Variants in LYPLAL1 observed in about 807,000 individuals in gnomAD.
LYPLAL1 encodes lysophospholipase-like protein 1.
In LYPLAL1, 23 loss-of-function variants were observed where a neutral mutation model predicts 19.7. That is an observed-to-expected ratio of 1.17 (90% CI 0.84 to 1.65). The LOEUF is 1.65. Among genes scored for constraint, LYPLAL1 ranks in the 40% most tolerant of loss-of-function variants. The probability of loss-of-function intolerance (pLI) is 0.00; values close to 1 mark genes in which losing one functional copy is unlikely to be tolerated. For missense variants in LYPLAL1, 355 were observed against 279.4 expected (o/e 1.27, Z -1.93); for synonymous variants, 119 against 96.3 (o/e 1.24, Z -1.38).
At chr1:219,372,676 G>A in the LYPLAL1 span, among the ~76,000 whole-genome samples, 1 of 152,138 alleles carries the variant, frequency 6.6e-6, no homozygotes, top group Admixed American at 6.5e-5. Context: ...AAGGCAGGTG[G>A]ATTGTTTGAG....
At chr1:219,236,333 A>T in the LYPLAL1 span, among the ~76,000 whole-genome samples, 4 of 152,246 alleles carry the variant, frequency 2.6e-5, no homozygotes, top group East Asian at 7.7e-4. Flanking sequence ...GTGTCATGAC[A>T]TAAGCAGTGT....
chr1:219,276,756 A>C, the LYPLAL1 span, among the ~76,000 whole-genome samples: 1 of 152,224 alleles, frequency 6.6e-6, no homozygotes, highest in Admixed American at 6.5e-5. Flanking sequence ...TAGACAGATC[A>C]GTTTGCAAAA....
the LYPLAL1 span, among the ~76,000 whole-genome samples, chr1:219,339,361 C>T: frequency 6.1e-4 from 92 of 151,958 alleles, no homozygotes; most frequent in Admixed American, 4.9e-3. Flanking sequence ...CTTGTCTATC[C>T]CACGGTATTA....
At chr1:219,421,539 G>A in the LYPLAL1 span, among the ~76,000 whole-genome samples, 4 of 152,190 alleles carry the variant, frequency 2.6e-5, no homozygotes, top group Non-Finnish European at 1.5e-5. Flanking sequence ...CAATGCTTAT[G>A]CTGTGTTCAT....
the LYPLAL1 span, among the ~76,000 whole-genome samples, chr1:219,439,630 C>A: frequency 8.5e-5 from 13 of 152,168 alleles, no homozygotes; most frequent in African/African-American, 3.1e-4. Context: ...TAGGATTGGG[C>A]CACACTAAAT....
rs1229155432 is a variant in LYPLAL1 at position 219,211,768 on chromosome 1, T to C, written c.*40T>C. The C allele has an allele frequency of 5.2e-6, 7 of 1,339,572 alleles. No individual in the cohort carries two copies. The East Asian group carries it at 1.6e-4, about 32-fold the overall frequency. The allele number at this position is 1,339,572 out of a possible 1,614,324, so 83.0% of individuals were successfully genotyped here. A position where few individuals can be genotyped will look rare whatever the true frequency, so the allele number is the denominator to read the frequency against. On this transcript the variant is annotated 3_prime_UTR_variant, in exon 5 of 5. Coordinates refer to ENST00000366928, the MANE Select transcript of LYPLAL1 (RefSeq NM_138794.5). Reference sequence around the variant, plus strand: ...ATTTGTTAATGTAAGTGTAATGTCTTTGTGAAAAGTGATTTTTACTGCCAA... The same window carrying C: ...ATTTGTTAATGTAAGTGTAATGTCTCTGTGAAAAGTGATTTTTACTGCCAA...
chr1:219,194,520 G>A (rs1201536869), intron 3 of LYPLAL1, among the ~76,000 whole-genome samples: 1 of 152,002 alleles, frequency 6.6e-6, no homozygotes, highest in Non-Finnish European at 1.5e-5. Flanking sequence ...ACCTGAAAGG[G>A]CCAATGAGAT....
At chr1:219,238,846 T>A in the LYPLAL1 span, among the ~76,000 whole-genome samples, 1 of 152,198 alleles carries the variant, frequency 6.6e-6, no homozygotes, top group Non-Finnish European at 1.5e-5. Flanking sequence ...GAACATATGA[T>A]CTCATTACTA....
the LYPLAL1 span, among the ~76,000 whole-genome samples, chr1:219,304,008 G>C: frequency 2.0e-5 from 3 of 152,034 alleles, no homozygotes; most frequent in Non-Finnish European, 4.4e-5. Flanking sequence ...TGTTGCTTAA[G>C]ACCAAAACAA....
the LYPLAL1 span, among the ~76,000 whole-genome samples, chr1:219,422,589 G>T: frequency 6.6e-6 from 1 of 152,102 alleles, no homozygotes; most frequent in Non-Finnish European, 1.5e-5. Flanking sequence ...AAAATAGCTT[G>T]AGCCCAACCA....
the LYPLAL1 span, among the ~76,000 whole-genome samples, chr1:219,254,582 C>T: frequency 6.6e-6 from 1 of 151,930 alleles, no homozygotes; most frequent in African/African-American, 2.4e-5. Flanking sequence ...AGACTTTTTA[C>T]TTTAAGAGTT....
intron 3 of LYPLAL1, among the ~76,000 whole-genome samples, chr1:219,208,478 T>C (rs1179182609): frequency 2.6e-5 from 4 of 152,102 alleles, no homozygotes; most frequent in Admixed American, 6.6e-5. Flanking sequence ...AATTTTTTAC[T>C]ACTTTCATTA....
At chr1:219,336,798 T>G in the LYPLAL1 span, among the ~76,000 whole-genome samples, 2 of 152,006 alleles carry the variant, frequency 1.3e-5, no homozygotes, top group Non-Finnish European at 2.9e-5. Context: ...TTTTCTTAAT[T>G]GTGCTTTCAC....
At chr1:219,233,603 AC>A in the LYPLAL1 span, among the ~76,000 whole-genome samples, 1 of 152,088 alleles carries the variant, frequency 6.6e-6, no homozygotes, top group African/African-American at 2.4e-5. Context: ...ACTTGTCTTT[AC>A]AAAAAAATTT....
chr1:219,242,682 A>G, the LYPLAL1 span, among the ~76,000 whole-genome samples: 1 of 151,762 alleles, frequency 6.6e-6, no homozygotes, highest in Non-Finnish European at 1.5e-5. Flanking sequence ...TGCTATAAGA[A>G]TTACTAAAGA....
chr1:219,183,197 C>T (rs1251742600), intron 2 of LYPLAL1, among the ~76,000 whole-genome samples: 1 of 151,914 alleles, frequency 6.6e-6, no homozygotes. Flanking sequence ...TGATGTTGCA[C>T]ACTGTTTTAT....
chr1:219,225,890 T>C, the LYPLAL1 span, among the ~76,000 whole-genome samples: 1 of 152,150 alleles, frequency 6.6e-6, no homozygotes, highest in Non-Finnish European at 1.5e-5. Context: ...GCTTCTACCA[T>C]GCCAATATTT....
At chr1:219,306,449 G>A in the LYPLAL1 span, among the ~76,000 whole-genome samples, 40 of 152,214 alleles carry the variant, frequency 2.6e-4, no homozygotes, top group African/African-American at 7.9e-4. Context: ...CCCTAATTTG[G>A]GTGGGTGTCA....
the LYPLAL1 span, among the ~76,000 whole-genome samples, chr1:219,327,563 G>C: frequency 6.6e-6 from 1 of 151,718 alleles, no homozygotes; most frequent in Non-Finnish European, 1.5e-5. Context: ...ATTTGACTTA[G>C]TGTGACAAAT....
Sources: allele counts gnomAD v4.1 joint callset (sites outside exome capture counted in the v4.1 genomes callset), GRCh38; gene constraint gnomAD v4.1.1; transcripts MANE v1.5; gene names NCBI Gene and HGNC (gene_info 2026-07-23, HGNC 2026-07-21).